The following VSIG2 variants were observed in gnomAD, a reference collection of about 807,000 sequenced individuals.
VSIG2 encodes the protein V-set and immunoglobulin domain-containing protein 2.
Under a neutral mutation model 29.4 loss-of-function variants are expected in VSIG2, and 30 were observed. The ratio of observed to expected loss-of-function variants is 1.02; its 90% CI spans 0.76 to 1.38. The LOEUF is 1.38. VSIG2 is among the 40% of genes most tolerant of loss of function. The pLI, the probability that VSIG2 is intolerant of heterozygous loss-of-function variation, is 0.00. For missense variants in VSIG2, 421 were observed against 400.8 expected (o/e 1.05, Z -0.43); for synonymous variants, 178 against 174.2 (o/e 1.02, Z -0.17).
rs1261675553 is a variant in VSIG2 at position 124,748,502 on chromosome 11, T to A, written c.739A>T (p.Ile247Phe). The change falls in exon 6 of 7, where the codon ATT (isoleucine) becomes TTT (phenylalanine). Residue 247 changes from isoleucine (I) to phenylalanine (F), a missense_variant. Transcript: ENST00000326621. ...PSQGRVAGAL[I>F]GVLLGVLLLS... Reference sequence around the variant, plus strand: ...AACAGCACGCCCAGGAGCACCCCAATCAGAGCTCCGGCCACTCGGCCTTGG... The same window carrying A: ...AACAGCACGCCCAGGAGCACCCCAAACAGAGCTCCGGCCACTCGGCCTTGG... 1 of 1,613,926 alleles carries A rather than the reference T, an allele frequency of 6.2e-7. No individual in the cohort carries two copies. Among genetic ancestry groups the A allele is most frequent in the Non-Finnish European group, 8.5e-7 (1 of 1,180,036 alleles).
In VSIG2 at chr11:124,750,882, A is replaced by G; in HGVS notation, c.259T>C (p.Ser87Pro). Reference sequence around the variant, plus strand: ...AGCAGGCTGACCCGCTTTGACTTAGAACCAGTTGGATACAGATGGCCATTG... The same window carrying G: ...AGCAGGCTGACCCGCTTTGACTTAGGACCAGTTGGATACAGATGGCCATTG... ...FTNGHLYPTG[S>P]KSKRVSLLQN... The change falls in exon 3 of 7, where the codon TCT becomes CCT. Residue 87 changes from serine to proline, a missense_variant. Ser to Pro is a moderately conservative substitution (Grantham distance 74). Coordinates refer to ENST00000326621, the MANE Select transcript of VSIG2 (RefSeq NM_014312.5). 6.2e-7 allele frequency: 1 copy of G among 1,613,972 alleles called. No individual in the cohort carries two copies. The highest frequency in any genetic ancestry group is 8.5e-7 in the Non-Finnish European group (1 of 1,179,998).
At chr11:124,748,591 G>T in intron 5 of VSIG2, 53 bp downstream of exon 5, 1 of 1,606,682 alleles carries the variant, frequency 6.2e-7, no homozygotes, top group Non-Finnish European at 8.5e-7. Flanking sequence ...CCCACCAGCC[G>T]ACAGCTTCCC....
At position 124,749,886 on chromosome 11, in the gene VSIG2, A is replaced by AACAAAAAAAAAC; in HGVS notation, c.428-21_428-20insGTTTTTTTTTGT. The AACAAAAAAAAAC allele has an allele frequency of 7.8e-7, 1 of 1,278,596 alleles. No individual in the cohort carries two copies. The highest frequency in any genetic ancestry group is 2.9e-5 in the African/African-American group (1 of 33,974). The allele number at this position is 1,278,596 out of a possible 1,614,324, so 79.2% of individuals were successfully genotyped here. ...GGGGAACTGCAAAAAAAAAAAAAAA[A>AACAAAAAAAAAC]AAAAAAAAACAGAAAGTTCCTCAGC... On this transcript the variant is annotated intron_variant, in intron 3 of 6. Transcript: ENST00000326621.
rs1180947822 is a variant in VSIG2 at position 124,752,235 on chromosome 11, G to T, written c.-98C>A. ...AGGGAGCACCCAAGGGCAGCCGCCC[G>T]GGCTGGGCAGGAGCGAGACTGGTAT... On this transcript the variant is annotated 5_prime_UTR_variant, in exon 1 of 7. Transcript: ENST00000326621. The T allele has an allele frequency of 8.6e-6, 11 of 1,276,458 alleles. No individual in the cohort carries two copies. The highest frequency in any genetic ancestry group is 1.5e-5 in the African/African-American group (1 of 66,496). 79.1% of individuals were successfully genotyped at this position (1,276,458 alleles called of 1,614,324 possible). A position where few individuals can be genotyped will look rare whatever the true frequency, so the allele number is the denominator to read the frequency against.
intron 6 of VSIG2, 176 bp downstream of exon 6, chr11:124,748,201 CCCTGTACCGCTTG>C (rs1328745238): frequency 1.4e-5 from 9 of 651,726 alleles, no homozygotes; most frequent in Non-Finnish European, 2.1e-5. Flanking sequence ...AGCCACTCCA[CCCTGTACCGCTTG>C]CCTGTACCCT....
Position 124,750,793 on chromosome 11 carries a change from A to G in VSIG2, c.348T>C (p.Thr116=). 1 of 1,614,088 alleles carries G rather than the reference A, an allele frequency of 6.2e-7. No individual in the cohort carries two copies. Among genetic ancestry groups the G allele is most frequent in the Non-Finnish European group, 8.5e-7 (1 of 1,179,986 alleles). Residue 116 remains threonine, a synonymous_variant, in exon 3 of 7, where the codon ACT becomes ACC. Coordinates refer to ENST00000326621, the MANE Select transcript of VSIG2 (RefSeq NM_014312.5). ...LKLTDVHPSD[T]GTYLCQVNNP... is the part of the protein sequence containing the mutation. Reference sequence around the variant, plus strand: ...TGTTGACTTGGCAGAGGTAGGTTCCAGTATCTGAGGGGTGGACGTCAGTCA... The same window carrying G: ...TGTTGACTTGGCAGAGGTAGGTTCCGGTATCTGAGGGGTGGACGTCAGTCA...
chr11:124,748,667 C>G lies in VSIG2; in HGVS notation c.683G>C (p.Cys228Ser), dbSNP rs762659171. The stretch of plus-strand genomic sequence containing the variant: ...ACCGGTCACAGAGAGGGTCAGCTCA[C>G]AGGATGCACTGCCCATCTGGTTGGT... Reference protein sequence around the residue: ...VATNQMGSASCELTLSVTEPS... With the variant: ...VATNQMGSASSELTLSVTEPS... The change falls in exon 5 of 7, where the codon TGT (cysteine) becomes TCT (serine). Residue 228 changes from cysteine (C) to serine (S), a missense_variant. Coordinates refer to ENST00000326621, the MANE Select transcript of VSIG2 (RefSeq NM_014312.5). 1 of 1,613,822 alleles carries G rather than the reference C, an allele frequency of 6.2e-7. No homozygotes were observed. Among genetic ancestry groups the G allele is most frequent in the Non-Finnish European group, 8.5e-7 (1 of 1,179,836 alleles).
intron 3 of VSIG2, among the ~76,000 whole-genome samples, chr11:124,750,269 GC>G (rs1437506307): frequency 1.3e-5 from 2 of 152,176 alleles, no homozygotes; most frequent in African/African-American, 4.8e-5. Context: ...TTTTCTGGTT[GC>G]TCATCTCTGA....
At position 124,750,765 on chromosome 11, in the gene VSIG2, G is replaced by A. The variant is rs1332441745; in HGVS notation, c.376C>T (p.Pro126Ser). The change falls in exon 3 of 7, where the codon CCA becomes TCA. Residue 126 changes from proline to serine, a missense_variant. Transcript: ENST00000326621. ...AACCCATTGGTGTAGAAATCTGGTG[G>A]GTTGTTGACTTGGCAGAGGTAGGTT... ...TGTYLCQVNNPPDFYTNGLGL... is the reference protein window; with the variant it reads ...TGTYLCQVNNSPDFYTNGLGL... The A allele has an allele frequency of 2.2e-5, 35 of 1,611,360 alleles. No individual in the cohort carries two copies. The highest frequency in any genetic ancestry group is 2.8e-5 in the Non-Finnish European group (33 of 1,179,008).
intron 1 of VSIG2, 86 bp from the exon 2 acceptor site, chr11:124,751,666 G>T: frequency 1.4e-6 from 2 of 1,381,144 alleles, no homozygotes; most frequent in South Asian, 1.5e-5. Flanking sequence ...TATATTGGAA[G>T]CTGGGGGCTC....
At position 124,749,820 on chromosome 11, in the gene VSIG2, C is replaced by CACAGA; in HGVS notation, c.469_473dup (p.Gly159LeufsTer8). ...TGCATCTCAGTGCAGTAGAGCCTCC[C>CACAGA]ACAGAGGTTTGTCCACTCTGACTGC... On this transcript the variant is annotated frameshift_variant, in exon 4 of 7. Transcript: ENST00000326621. LOFTEE classifies it high-confidence loss of function. 1 of 1,597,380 alleles carries CACAGA rather than the reference C, an allele frequency of 6.3e-7. No individual in the cohort carries two copies. The highest frequency in any genetic ancestry group is 8.5e-7 in the Non-Finnish European group (1 of 1,172,154).
intron 4 of VSIG2, among the ~76,000 whole-genome samples, chr11:124,749,218 TG>T (rs764059532): frequency 9.9e-5 from 15 of 152,024 alleles, no homozygotes. Flanking sequence ...GATCTGGGGG[TG>T]GGTCATTCAT....
At position 124,749,869 on chromosome 11, in the gene VSIG2, G is replaced by GAAAAAAAAAA; in HGVS notation, c.428-4_428-3insTTTTTTTTTT. 1.8e-6 allele frequency: 1 copy of GAAAAAAAAAA among 559,104 alleles called. No individual in the cohort carries two copies. The highest frequency in any genetic ancestry group is 6.7e-5 in the African/African-American group (1 of 14,976). The allele number at this position is 559,104 out of a possible 1,614,324, so 34.6% of individuals were successfully genotyped here. A position where few individuals can be genotyped will look rare whatever the true frequency, so the allele number is the denominator to read the frequency against. ...GCATAAGGGATTACTGGGGGGAACT[G>GAAAAAAAAAA]CAAAAAAAAAAAAAAAAAAAAAAAA... On this transcript the variant is annotated splice_polypyrimidine_tract_variant and splice_region_variant and intron_variant, in intron 3 of 6. Coordinates refer to ENST00000326621, the MANE Select transcript of VSIG2 (RefSeq NM_014312.5).
chr11:124,748,617 G>A, intron 5 of VSIG2, 27 bp downstream of exon 5: 1 of 1,609,076 alleles, frequency 6.2e-7, no homozygotes, highest in Non-Finnish European at 8.5e-7. Flanking sequence ...CAAGGCTGCT[G>A]GCCTGGCCTC....
intron 3 of VSIG2, 23 bp from the exon 4 acceptor site, chr11:124,749,889 A>AAC: frequency 2.0e-6 from 3 of 1,530,068 alleles, no homozygotes; most frequent in Non-Finnish European, 1.7e-6. Flanking sequence ...AAAAAAAAAA[A>AAC]AAAAAACAGA....
At chr11:124,750,999 G>C (rs1944079025) in intron 2 of VSIG2, 78 bp from the exon 3 acceptor site, 1 of 1,467,278 alleles carries the variant, frequency 6.8e-7, no homozygotes, top group Non-Finnish European at 9.4e-7. Context: ...CATCAAAGTG[G>C]GTATAAGAGG....
chr11:124,751,629 G>A, intron 1 of VSIG2, 49 bp from the exon 2 acceptor site: 2 of 1,522,606 alleles, frequency 1.3e-6, no homozygotes, highest in Non-Finnish European at 8.8e-7. Context: ...CCAGTGATCT[G>A]GAGGGTCGGG....
chr11:124,751,377 T>C, intron 2 of VSIG2, 46 bp downstream of exon 2: 1 of 1,604,688 alleles, frequency 6.2e-7, no homozygotes, highest in Non-Finnish European at 8.5e-7. Context: ...CCTGGGCTCC[T>C]GTCCCTCCAG....
intron 4 of VSIG2, 75 bp downstream of exon 4, chr11:124,749,633 T>C: frequency 6.4e-7 from 1 of 1,554,858 alleles, no homozygotes; most frequent in Non-Finnish European, 8.7e-7. Context: ...GAACGGATAA[T>C]ACGGGTGTGT....
Sources: allele counts gnomAD v4.1 joint callset (sites outside exome capture counted in the v4.1 genomes callset), GRCh38; gene constraint gnomAD v4.1.1; transcripts MANE v1.5; gene names NCBI Gene and HGNC (gene_info 2026-07-23, HGNC 2026-07-21).